The following RNGTT variants were observed in gnomAD, a reference collection of about 807,000 sequenced individuals.
The protein encoded by RNGTT is RNA guanylyltransferase and 5'-phosphatase, also known as mRNA-capping enzyme.
A neutral mutation model predicts 79.3 loss-of-function variants in RNGTT; 33 were observed. That is an observed-to-expected ratio of 0.42 (90% CI 0.32 to 0.56). The LOEUF (loss-of-function observed/expected upper bound fraction) is 0.56, where lower values mean the gene tolerates loss of function less well. RNGTT is among the 20% of genes least tolerant of loss of function. The probability of loss-of-function intolerance (pLI) is 0.17; values close to 1 mark genes in which losing one functional copy is unlikely to be tolerated. For synonymous variants in RNGTT, 222 were observed against 235.9 expected (o/e 0.94, Z 0.54); for missense variants, 497 against 739.1 (o/e 0.67, Z 3.80).
chr6:88,843,149 C>CAA (rs34225763), intron 11 of RNGTT, among the ~76,000 whole-genome samples: 229 of 129,396 alleles, frequency 1.8e-3, no homozygotes, highest in Admixed American at 3.1e-3. Flanking sequence ...GCCTACAGAT[C>CAA]AAAAAAAAAA....
chr6:88,826,761 C>T (rs903883593), intron 11 of RNGTT, among the ~76,000 whole-genome samples: 7 of 124,606 alleles, frequency 5.6e-5, no homozygotes, highest in African/African-American at 2.1e-4. Context: ...CCAGCCTGGG[C>T]AACAAGAGCA....
intron 14 of RNGTT, among the ~76,000 whole-genome samples, chr6:88,670,998 T>C (rs1381460676): frequency 1.3e-5 from 2 of 152,142 alleles, no homozygotes; most frequent in Non-Finnish European, 2.9e-5. Flanking sequence ...GCCAACATTA[T>C]ACTGAACAGG....
intron 13 of RNGTT, among the ~76,000 whole-genome samples, chr6:88,725,363 T>A (rs1439274065): frequency 9.2e-5 from 14 of 152,024 alleles, no homozygotes; most frequent in Non-Finnish European, 2.9e-5. Context: ...ATGTTGCAGA[T>A]GGTGAAGTAT....
At chr6:88,838,789 C>G (rs1236789539) in intron 11 of RNGTT, among the ~76,000 whole-genome samples, 2 of 151,932 alleles carry the variant, frequency 1.3e-5, no homozygotes, top group East Asian at 3.9e-4. Context: ...ATGCAAAGGC[C>G]TAGAATAGCC....
intron 12 of RNGTT, among the ~76,000 whole-genome samples, chr6:88,800,442 T>C (rs1582475525): frequency 6.6e-6 from 1 of 152,230 alleles, no homozygotes; most frequent in Non-Finnish European, 1.5e-5. Flanking sequence ...ATTAGTTCCC[T>C]TTCTTTGACC....
At chr6:88,726,068 GAA>G (rs936372384) in intron 13 of RNGTT, among the ~76,000 whole-genome samples, 2 of 152,088 alleles carry the variant, frequency 1.3e-5, no homozygotes, top group Admixed American at 1.3e-4. Flanking sequence ...GTAGTAAAGA[GAA>G]AAGAGTGTAT....
chr6:88,764,890 T>A lies in RNGTT; in HGVS notation c.1439+4884A>T, dbSNP rs184374709. 3.0e-4 allele frequency among the ~76,000 whole-genome samples: 46 copies of A among 152,214 alleles called. No homozygotes were observed. The East Asian group carries it at 8.1e-3, about 27-fold the overall frequency. ...GACAATGTTATTATTTCCAATGTGATAGGTAAAAAATTACATTTTGGGCCA... is the reference window on the plus strand; with the variant it reads ...GACAATGTTATTATTTCCAATGTGAAAGGTAAAAAATTACATTTTGGGCCA... On this transcript the variant is annotated intron_variant, in intron 13 of 15. Transcript: ENST00000369485.
At chr6:88,764,595 A>G (rs943664180) in intron 13 of RNGTT, among the ~76,000 whole-genome samples, 10 of 152,220 alleles carry the variant, frequency 6.6e-5, no homozygotes, top group African/African-American at 2.4e-4. Flanking sequence ...CAATAAAATT[A>G]TTATACACAT....
At chr6:88,734,007 T>A (rs1777202433) in intron 13 of RNGTT, among the ~76,000 whole-genome samples, 1 of 152,118 alleles carries the variant, frequency 6.6e-6, no homozygotes, top group African/African-American at 2.4e-5. Context: ...ATCTACATAA[T>A]GAAACAGAAT....
intron 13 of RNGTT, among the ~76,000 whole-genome samples, chr6:88,736,394 A>C (rs1777286733): frequency 6.6e-6 from 1 of 152,178 alleles, no homozygotes; most frequent in African/African-American, 2.4e-5. Context: ...GTCTCTCAAG[A>C]ACATTGTCAT....
intron 8 of RNGTT, among the ~76,000 whole-genome samples, chr6:88,888,798 G>A (rs1036794813): frequency 1.3e-5 from 2 of 152,222 alleles, no homozygotes; most frequent in African/African-American, 4.8e-5. Flanking sequence ...GGGAGACCAA[G>A]GCAGGTGGAT....
At position 88,635,052 on chromosome 6, in the gene RNGTT, T is replaced by G. The variant is rs185881096; in HGVS notation, c.1507-20657A>C. Among the ~76,000 whole-genome samples, 289 of 152,096 alleles carry G rather than the reference T, an allele frequency of 1.9e-3. 4 individuals are homozygous for G. The highest frequency in any genetic ancestry group is 6.8e-3 in the African/African-American group (284 of 41,506). On this transcript the variant is annotated intron_variant, in intron 14 of 15. Coordinates refer to ENST00000369485, the MANE Select transcript of RNGTT (RefSeq NM_003800.5). The stretch of plus-strand genomic sequence containing the variant: ...ATGGAGAATTGAGGTTACATTTGAG[T>G]AGTGGTTTGCTAGGCTCACTCCTTT...
chr6:88,826,117 T>A (rs114581497), intron 11 of RNGTT, among the ~76,000 whole-genome samples: 1 of 152,208 alleles, frequency 6.6e-6, no homozygotes, highest in Non-Finnish European at 1.5e-5. Flanking sequence ...GTTGATTTCA[T>A]GTACCACTGG....
At chr6:88,848,398 A>C (rs1021799315) in intron 10 of RNGTT, among the ~76,000 whole-genome samples, 1 of 152,058 alleles carries the variant, frequency 6.6e-6, no homozygotes, top group Non-Finnish European at 1.5e-5. Flanking sequence ...TCATGTGCGC[A>C]CAAGAAAAAA....
chr6:88,701,110 GAAGA>G (rs1006999121), intron 13 of RNGTT, among the ~76,000 whole-genome samples: 3 of 151,922 alleles, frequency 2.0e-5, no homozygotes, highest in Non-Finnish European at 4.4e-5. Flanking sequence ...GGAAGAAGAA[GAAGA>G]AAGAAGAGAA....
intron 13 of RNGTT, among the ~76,000 whole-genome samples, chr6:88,740,018 T>C (rs775264483): frequency 2.6e-5 from 4 of 152,046 alleles, no homozygotes; most frequent in Non-Finnish European, 4.4e-5. Flanking sequence ...ACACCAAAGA[T>C]ATCATCCTAC....
rs187589475 is a variant in RNGTT at position 88,701,959 on chromosome 6, C to T, written c.1440-23540G>A. ...CAAATCAAGAACAAAATCTCATTTA[C>T]GATAGCCACAAAAAACACACACAAA... On this transcript the variant is annotated intron_variant, in intron 13 of 15. Transcript: ENST00000369485. Among the ~76,000 whole-genome samples the T allele has an allele frequency of 1.8e-3, 277 of 152,028 alleles. 1 individual carries two copies. Among genetic ancestry groups the T allele is most frequent in the Non-Finnish European group, 1.0e-3 (69 of 67,918 alleles).
intron 11 of RNGTT, among the ~76,000 whole-genome samples, chr6:88,815,692 G>A (rs547403716): frequency 5.3e-5 from 8 of 152,310 alleles, no homozygotes; most frequent in African/African-American, 1.7e-4. Flanking sequence ...AAGCTGTTCC[G>A]GAAGTGACAG....
intron 2 of RNGTT, among the ~76,000 whole-genome samples, chr6:88,940,356 G>C (rs980652912): frequency 3.3e-5 from 5 of 152,314 alleles, no homozygotes; most frequent in African/African-American, 1.2e-4. Context: ...TGGGATTACA[G>C]GCATGAGCCA....
Sources: allele counts gnomAD v4.1 joint callset (sites outside exome capture counted in the v4.1 genomes callset), GRCh38; gene constraint gnomAD v4.1.1; transcripts MANE v1.5; gene names NCBI Gene and HGNC (gene_info 2026-07-23, HGNC 2026-07-21).